Variants in MIB1 observed in about 807,000 individuals in gnomAD.
The protein encoded by MIB1 is MIB E3 ubiquitin protein ligase 1.
MIB1 carries 278 observed loss-of-function variants against 124.5 expected under a neutral mutation model. That is an observed-to-expected ratio of 2.23 (90% CI 2.02 to 2.47). MIB1 has a LOEUF of 2.47. Ranked by LOEUF, MIB1 falls within the 30% of genes most tolerant of loss-of-function variation. The probability of loss-of-function intolerance (pLI) is 0.00; values close to 1 mark genes in which losing one functional copy is unlikely to be tolerated. For synonymous variants in MIB1, 446 were observed against 429.4 expected (o/e 1.04, Z -0.48); for missense variants, 957 against 1,254.4 (o/e 0.76, Z 3.58).
intron 1 of MIB1, among the ~76,000 whole-genome samples, chr18:21,747,574 G>T (rs2040925412): frequency 6.6e-6 from 1 of 152,140 alleles, no homozygotes; most frequent in Admixed American, 6.6e-5. Context: ...TTGTTTGTTG[G>T]TAATACATGT....
rs2042225166 is a variant in MIB1, at chr18:21,856,202, AG to A, written c.2666-927del. 2.7e-5 allele frequency among the ~76,000 whole-genome samples: 4 copies of A among 147,640 alleles called. No homozygotes were observed. The South Asian group carries it at 8.6e-4, about 32-fold the overall frequency. On this transcript the variant is annotated intron_variant, in intron 18 of 20. Coordinates refer to ENST00000261537, the MANE Select transcript of MIB1 (RefSeq NM_020774.4). ...CTGAGATTGCGCCACTGCAGTCCGC[AG>A]TCCGGCCTGGGCGACAGAGCGAGAC...
At chr18:21,787,043 C>G (rs1425439222) in intron 6 of MIB1, among the ~76,000 whole-genome samples, 2 of 146,440 alleles carry the variant, frequency 1.4e-5, no homozygotes, top group Admixed American at 6.8e-5. Context: ...CCAGTTTTTG[C>G]TGTCTGCTTA....
intron 3 of MIB1, among the ~76,000 whole-genome samples, chr18:21,769,175 C>T (rs539679580): frequency 8.5e-5 from 13 of 152,282 alleles, no homozygotes; most frequent in African/African-American, 3.1e-4. Context: ...GCCCACCTAC[C>T]TCTGTTATCC....
Position 21,847,104 on chromosome 18 carries a change from AG to A in MIB1, c.2373del (p.Lys791AsnfsTer18). On this transcript the variant is annotated frameshift_variant, in exon 16 of 21. Transcript: ENST00000261537. LOFTEE classifies it high-confidence loss of function. Reference protein sequence around the residue: ...PDPNLCKALAKCHKEKVSGQV... With the variant: ...PDPNLCKALAXCHKEKVSGQV... ...CCGAATCTCTGCAAAGCACTGGCAAAGTGTCATAAGGAAAAAGTCAGGTTTG... is the reference window on the plus strand; with the variant it reads ...CCGAATCTCTGCAAAGCACTGGCAAATGTCATAAGGAAAAAGTCAGGTTTG... The A allele has an allele frequency of 6.2e-7, 1 of 1,614,126 alleles. No homozygotes were observed.
chr18:21,775,941 A>G (rs1047095468), intron 4 of MIB1, among the ~76,000 whole-genome samples: 3 of 152,136 alleles, frequency 2.0e-5, no homozygotes, highest in Non-Finnish European at 4.4e-5. Flanking sequence ...AGATTCCTAG[A>G]AGTAAAATTG....
chr18:21,710,095 T>C (rs1259694202), intron 1 of MIB1, among the ~76,000 whole-genome samples: 1 of 152,202 alleles, frequency 6.6e-6, no homozygotes, highest in Non-Finnish European at 1.5e-5. Context: ...TATGCTTATG[T>C]TTTTAATTTT....
chr18:21,725,549 C>T (rs771467204), intron 1 of MIB1, among the ~76,000 whole-genome samples: 7 of 152,120 alleles, frequency 4.6e-5, no homozygotes, highest in Non-Finnish European at 1.0e-4. Context: ...GTTTGACAGC[C>T]AAGTCGTATC....
At chr18:21,827,883 T>C (rs2041940377) in intron 12 of MIB1, 1 of 151,964 alleles carries the variant, frequency 6.6e-6, no homozygotes, top group South Asian at 2.1e-4. Flanking sequence ...ATTTAAAATA[T>C]TATGCTTTTA....
chr18:21,815,061 TTA>T (rs2041817255), intron 10 of MIB1, among the ~76,000 whole-genome samples: 2 of 83,106 alleles, frequency 2.4e-5, no homozygotes, highest in African/African-American at 9.9e-5. Flanking sequence ...ATATATAAAA[TTA>T]TATATAAATG....
chr18:21,750,620 C>T (rs1310052185), intron 1 of MIB1, among the ~76,000 whole-genome samples: 1 of 152,154 alleles, frequency 6.6e-6, no homozygotes, highest in Non-Finnish European at 1.5e-5. Context: ...AGCCACCACG[C>T]TCGGCCTAAT....
chr18:21,735,900 C>T (rs1222994941), upstream of MIB1, among the ~76,000 whole-genome samples: 1 of 152,220 alleles, frequency 6.6e-6, no homozygotes, highest in Non-Finnish European at 1.5e-5. Flanking sequence ...ATAAAACCCC[C>T]ACCTCCCTGG....
At chr18:21,822,120 A>G (rs1170363650) in intron 12 of MIB1, among the ~76,000 whole-genome samples, 1 of 152,238 alleles carries the variant, frequency 6.6e-6, no homozygotes, top group Non-Finnish European at 1.5e-5. Context: ...TACAAAATGA[A>G]TTCTGTAGAG....
rs2040852964 is a variant in MIB1 at position 21,741,623 on chromosome 18, G to T, written c.40G>T (p.Val14Phe). Residue 14 changes from valine (V) to phenylalanine (F), a missense_variant, in exon 1 of 21, where the codon GTT becomes TTT. Transcript: ENST00000261537. The surrounding 1 kb of genome is among the most constrained non-coding windows in gnomAD (Gnocchi z 5.4). Reference sequence around the variant, plus strand: ...GAATAACCGGGTGATGGTGGAAGGGGTTGGCGCTCGGGTAGTGCGCGGCCC... The same window carrying T: ...GAATAACCGGGTGATGGTGGAAGGGTTTGGCGCTCGGGTAGTGCGCGGCCC... ...SRNNRVMVEG[V>F]GARVVRGPDW... 2 of 1,605,038 alleles carry T rather than the reference G, an allele frequency of 1.2e-6. No homozygotes were observed. Among genetic ancestry groups the T allele is most frequent in the Admixed American group, 1.7e-5 (1 of 59,034 alleles).
intron 1 of MIB1, among the ~76,000 whole-genome samples, chr18:21,744,760 A>T (rs2040893978): frequency 6.6e-6 from 1 of 152,262 alleles, no homozygotes; most frequent in Non-Finnish European, 1.5e-5. Flanking sequence ...GCATCGTACC[A>T]GGAGGTACAT....
intron 14 of MIB1, 64 bp downstream of exon 14, chr18:21,843,281 C>G: frequency 2.6e-6 from 3 of 1,147,170 alleles, no homozygotes; most frequent in Non-Finnish European, 3.7e-6. Context: ...TTTAGAACTT[C>G]CTGAAAATTG....
rs75029099 is a variant in MIB1, at chr18:21,842,350, A to T, written c.1963-781A>T. Among the ~76,000 whole-genome samples the T allele has an allele frequency of 1.7e-3, 262 of 152,242 alleles. 6 individuals carry two copies. The East Asian group carries it at 0.047, about 27-fold the overall frequency. On this transcript the variant is annotated intron_variant, in intron 13 of 20. Coordinates refer to ENST00000261537, the MANE Select transcript of MIB1 (RefSeq NM_020774.4). ...TTAGCTCTTTTCTTGATCTCATTTT[A>T]AAAAATTTTTAAATTATGCTAGACA...
intron 1 of MIB1, among the ~76,000 whole-genome samples, chr18:21,712,918 T>G (rs568831202): frequency 2.8e-4 from 42 of 152,280 alleles, no homozygotes; most frequent in African/African-American, 9.9e-4. Flanking sequence ...CTCTTTTTTT[T>G]GCCCACCAAT....
In MIB1 at chr18:21,844,102, G is replaced by T; in HGVS notation, c.2060G>T (p.Arg687Leu). ...ATCTTTCTCTTTTAGCTTTTGGTCC[G>T]TGCAGGTGCCAAGCTTGATATTCAG... ...QHTQIVRLLV[R>L]AGAKLDIQDK... The change falls in exon 15 of 21, where the codon CGT becomes CTT. Residue 687 changes from arginine to leucine, a missense_variant. Transcript: ENST00000261537. The T allele has an allele frequency of 6.2e-7, 1 of 1,613,826 alleles. No individual in the cohort carries two copies. The highest frequency in any genetic ancestry group is 1.1e-5 in the South Asian group (1 of 91,058).
At chr18:21,723,941 G>T (rs562502643) in intron 1 of MIB1, among the ~76,000 whole-genome samples, 10 of 150,744 alleles carry the variant, frequency 6.6e-5, no homozygotes, top group Admixed American at 3.3e-4. Context: ...TGAACTCAAG[G>T]GATCCTCCTG....
Sources: allele counts gnomAD v4.1 joint callset (sites outside exome capture counted in the v4.1 genomes callset), GRCh38; gene constraint gnomAD v4.1.1; non-coding constraint Gnocchi (gnomAD v3.1); transcripts MANE v1.5; gene names NCBI Gene and HGNC (gene_info 2026-07-23, HGNC 2026-07-21).